Variants in GANC observed in about 807,000 individuals in gnomAD.
The protein encoded by GANC is glucosidase alpha, neutral C.
A neutral mutation model predicts 124.2 loss-of-function variants in GANC; 117 were observed. The ratio of observed to expected loss-of-function variants is 0.94; its 90% CI spans 0.81 to 1.10. The LOEUF (loss-of-function observed/expected upper bound fraction) is 1.10. GANC is among the 50% of genes least tolerant of loss of function. The pLI, the probability that GANC is intolerant of heterozygous loss-of-function variation, is 0.00. For synonymous variants in GANC, 377 were observed against 376.8 expected, an observed-to-expected ratio of 1.00 and a Z score of -0.01; for missense variants, 1,140 against 1,095.0, an observed-to-expected ratio of 1.04 and a Z score of -0.58.
At chr15:42,331,248 T>G (rs1392730315) in intron 15 of GANC, among the ~76,000 whole-genome samples, 1 of 152,216 alleles carries the variant, frequency 6.6e-6, no homozygotes, top group Non-Finnish European at 1.5e-5. Flanking sequence ...ACTTCGTTGT[T>G]GGGAGAGTAA....
At chr15:42,281,132 A>C (rs928426114) in intron 3 of GANC, 9 of 702,222 alleles carry the variant, frequency 1.3e-5, no homozygotes, top group Non-Finnish European at 2.3e-5. Flanking sequence ...CTCCATGCTC[A>C]GGTATTAGAA....
At chr15:42,294,114 C>A (rs984092128) in intron 5 of GANC, among the ~76,000 whole-genome samples, 2 of 151,400 alleles carry the variant, frequency 1.3e-5, no homozygotes, top group Admixed American at 1.3e-4. Flanking sequence ...GTTCTGTTTT[C>A]TTTTAAACAT....
At chr15:42,328,135 A>G (rs894883965) in intron 13 of GANC, among the ~76,000 whole-genome samples, 1 of 152,222 alleles carries the variant, frequency 6.6e-6, no homozygotes, top group Non-Finnish European at 1.5e-5. Flanking sequence ...TGGTGGAACC[A>G]AAATTTGAAC....
intron 10 of GANC, chr15:42,314,125 A>G (rs1397989118): frequency 1.3e-6 from 1 of 752,360 alleles, no homozygotes; most frequent in Non-Finnish European, 2.4e-6. Flanking sequence ...TACTGAGAAA[A>G]GGAAAGAAGT....
At chr15:42,325,808 T>C (rs1396783121) in intron 11 of GANC, among the ~76,000 whole-genome samples, 2 of 152,144 alleles carry the variant, frequency 1.3e-5, no homozygotes, top group African/African-American at 2.4e-5. Flanking sequence ...CCAAGCTGGA[T>C]TGCAGTATCA....
intron 15 of GANC, among the ~76,000 whole-genome samples, chr15:42,333,934 A>G (rs552046959): frequency 3.0e-4 from 46 of 152,312 alleles, no homozygotes; most frequent in Non-Finnish European, 6.0e-4. Flanking sequence ...AATCCAGAGT[A>G]TCCAACACAT....
At chr15:42,333,123 T>C (rs950050400) in intron 15 of GANC, among the ~76,000 whole-genome samples, 3 of 150,950 alleles carry the variant, frequency 2.0e-5, no homozygotes, top group African/African-American at 7.3e-5. Context: ...AGGTTAGGAG[T>C]TTGAGACCAG....
intron 16 of GANC, among the ~76,000 whole-genome samples, chr15:42,339,466 A>G (rs2052312233): frequency 6.6e-6 from 1 of 152,152 alleles, no homozygotes; most frequent in South Asian, 2.1e-4. Context: ...CAAGAAAGTA[A>G]TATTCTAAGA....
Position 42,273,223 on chromosome 15 carries a change from T to C in GANC, c.-1259T>C, listed in dbSNP as rs370752042. 9.3e-6 allele frequency: 15 copies of C among 1,612,664 alleles called. No individual in the cohort carries two copies. The highest frequency in any genetic ancestry group is 6.7e-5 in the African/African-American group (5 of 74,858). On this transcript the variant is annotated 5_prime_UTR_variant, in exon 1 of 24. Transcript: ENST00000318010. ...GCCGTAGCCCCACCCCTTGCTCCTC[T>C]AGGTTCAGACGTTAGTGAAGTGAAT...
At chr15:42,341,566 TA>T (rs2052329534) in intron 18 of GANC, among the ~76,000 whole-genome samples, 1 of 147,968 alleles carries the variant, frequency 6.8e-6, no homozygotes, top group South Asian at 2.3e-4. Flanking sequence ...TTCTGAGTTC[TA>T]TTTTTTTTTT....
At chr15:42,340,316 A>C (rs567389336) in intron 17 of GANC, among the ~76,000 whole-genome samples, 5 of 152,294 alleles carry the variant, frequency 3.3e-5, no homozygotes, top group Admixed American at 3.3e-4. Context: ...ATTTCCTTTG[A>C]ATAGTTATAA....
At chr15:42,277,938 CA>C (rs2051692083) in intron 2 of GANC, 1 of 99,528 alleles carries the variant, frequency 1.0e-5, no homozygotes, top group African/African-American at 4.4e-5. Context: ...AAAAAAAAAA[CA>C]GTCTTTACGT....
intron 6 of GANC, among the ~76,000 whole-genome samples, chr15:42,302,411 G>C (rs1262883373): frequency 6.6e-6 from 1 of 152,100 alleles, no homozygotes; most frequent in South Asian, 2.1e-4. Flanking sequence ...CAGCGCAAAA[G>C]GCTGAAAATT....
chr15:42,276,277 T>C, intron 1 of GANC, 71 bp from the exon 2 acceptor site: 1 of 745,128 alleles, frequency 1.3e-6, no homozygotes, highest in Admixed American at 2.2e-5. Flanking sequence ...ATACTGTCGT[T>C]AGAGAAGGTA....
intron 4 of GANC, among the ~76,000 whole-genome samples, chr15:42,291,782 T>C (rs1455711174): frequency 2.0e-5 from 3 of 152,202 alleles, no homozygotes; most frequent in African/African-American, 7.2e-5. Flanking sequence ...GTAAGCAATT[T>C]ATGGTGGGGT....
chr15:42,325,714 G>A (rs1309557880), intron 11 of GANC, among the ~76,000 whole-genome samples: 1 of 152,142 alleles, frequency 6.6e-6, no homozygotes, highest in Non-Finnish European at 1.5e-5. Context: ...TATTGGTTAG[G>A]CAGCAATAAT....
At chr15:42,301,437 A>G (rs928947282) in intron 6 of GANC, among the ~76,000 whole-genome samples, 2 of 151,032 alleles carry the variant, frequency 1.3e-5, no homozygotes, top group African/African-American at 4.9e-5. Context: ...TTGGGCAGAC[A>G]CCGAGCTAGC....
At chr15:42,295,143 T>G (rs1392889384) in intron 5 of GANC, among the ~76,000 whole-genome samples, 3 of 151,740 alleles carry the variant, frequency 2.0e-5, no homozygotes, top group Non-Finnish European at 4.4e-5. Context: ...GCTAATTTTG[T>G]TTTTGTATTT....
chr15:42,330,660 TC>T lies in GANC; in HGVS notation c.1730del (p.Ser577TyrfsTer19), dbSNP rs760831229. On this transcript the variant is annotated frameshift_variant, in exon 15 of 24. Transcript: ENST00000318010. LOFTEE classifies it high-confidence loss of function. ...FVLTRSFFAGSQKYGAVWTGD... is the reference protein window; with the variant it reads ...FVLTRSFFAGXQKYGAVWTGD... ...TCTTACACGTTCTTTCTTTGCTGGATCACAAAAGTATGGTAAGGAATGGCTC... is the reference window on the plus strand; with the variant it reads ...TCTTACACGTTCTTTCTTTGCTGGATACAAAAGTATGGTAAGGAATGGCTC... 1 of 1,606,866 alleles carries T rather than the reference TC, an allele frequency of 6.2e-7. No homozygotes were observed. The highest frequency in any genetic ancestry group is 2.2e-5 in the East Asian group (1 of 44,698).
Sources: allele counts gnomAD v4.1 joint callset (sites outside exome capture counted in the v4.1 genomes callset), GRCh38; gene constraint gnomAD v4.1.1; transcripts MANE v1.5; gene names NCBI Gene and HGNC (gene_info 2026-07-23, HGNC 2026-07-21).